HS6ST3: variants seen among roughly 807,000 people sequenced by gnomAD.
HS6ST3 encodes heparan sulfate 6-O-sulfotransferase 3, also known as heparan-sulfate 6-O-sulfotransferase 3.
A neutral mutation model predicts 36.7 loss-of-function variants in HS6ST3; 12 were observed. The observed-to-expected ratio is 0.33, with a 90% CI of 0.21 to 0.53. The LOEUF (loss-of-function observed/expected upper bound fraction) is 0.53, where lower values mean the gene tolerates loss of function less well. HS6ST3 is among the 20% of genes least tolerant of loss of function. The pLI is 0.95. For missense variants in HS6ST3, 584 were observed against 640.9 expected, an observed-to-expected ratio of 0.91 and a Z score of 0.96; for synonymous variants, 240 against 257.5, an observed-to-expected ratio of 0.93 and a Z score of 0.65.
intron 1 of HS6ST3, among the ~76,000 whole-genome samples, chr13:96,181,747 C>T (rs921627850): frequency 9.9e-5 from 15 of 152,098 alleles, no homozygotes; most frequent in African/African-American, 2.9e-4. Flanking sequence ...TTAGATTGAG[C>T]GTATTTGGGA....
intron 1 of HS6ST3, among the ~76,000 whole-genome samples, chr13:96,612,231 C>G (rs1464331374): frequency 3.3e-5 from 5 of 152,116 alleles, no homozygotes; most frequent in Non-Finnish European, 7.4e-5. Context: ...TGCTTAGGTC[C>G]TGAGAGTAGC....
At chr13:96,702,391 T>C (rs1875312843) in intron 1 of HS6ST3, among the ~76,000 whole-genome samples, 1 of 152,228 alleles carries the variant, frequency 6.6e-6, no homozygotes, top group African/African-American at 2.4e-5. Context: ...GGCTGGCCCT[T>C]TGGGGACAAT....
chr13:96,729,720 C>CTT (rs1437873493), intron 1 of HS6ST3, among the ~76,000 whole-genome samples: 3 of 152,080 alleles, frequency 2.0e-5, no homozygotes, highest in Admixed American at 6.5e-5. Context: ...CCGACTTTGG[C>CTT]TTCCCAAAGT....
At chr13:96,736,215 C>T (rs1469792331) in intron 1 of HS6ST3, among the ~76,000 whole-genome samples, 2 of 151,976 alleles carry the variant, frequency 1.3e-5, no homozygotes, top group Non-Finnish European at 2.9e-5. Flanking sequence ...GCACGTGTAC[C>T]CCTGAACTTA....
At chr13:96,322,339 G>A (rs1223829882) in intron 1 of HS6ST3, among the ~76,000 whole-genome samples, 2 of 147,840 alleles carry the variant, frequency 1.4e-5, no homozygotes, top group Non-Finnish European at 3.0e-5. Context: ...GAGCTCATGA[G>A]TTTGAGACCA....
intron 1 of HS6ST3, among the ~76,000 whole-genome samples, chr13:96,331,380 G>T (rs1232235062): frequency 6.6e-6 from 1 of 151,834 alleles, no homozygotes; most frequent in Non-Finnish European, 1.5e-5. Context: ...CTTTCTGTTT[G>T]TTAGTTTTCC....
chr13:96,542,466 A>G (rs1013692200), intron 1 of HS6ST3, among the ~76,000 whole-genome samples: 2 of 152,178 alleles, frequency 1.3e-5, no homozygotes, highest in Non-Finnish European at 2.9e-5. Context: ...TACATAATCT[A>G]ATACATAACA....
chr13:96,191,801 T>G (rs1464278011), intron 1 of HS6ST3, among the ~76,000 whole-genome samples: 3 of 152,206 alleles, frequency 2.0e-5, no homozygotes, highest in Non-Finnish European at 2.9e-5. Flanking sequence ...AAGAGGATCT[T>G]TTTCTCTATG....
chr13:96,581,280 C>T (rs1352865300), intron 1 of HS6ST3, among the ~76,000 whole-genome samples: 1 of 150,428 alleles, frequency 6.6e-6, no homozygotes, highest in Non-Finnish European at 1.5e-5. Flanking sequence ...AGTGCAGTGG[C>T]ATGATCTTGG....
At chr13:96,790,265 A>G (rs1364807065) in intron 1 of HS6ST3, among the ~76,000 whole-genome samples, 1 of 118,916 alleles carries the variant, frequency 8.4e-6, no homozygotes, top group African/African-American at 3.5e-5. Context: ...GATAAAACAC[A>G]CATGTACACA....
At chr13:96,173,860 T>G (rs759215582) in intron 1 of HS6ST3, among the ~76,000 whole-genome samples, 2 of 151,190 alleles carry the variant, frequency 1.3e-5, no homozygotes, top group African/African-American at 2.5e-5. Flanking sequence ...GTAATGTATT[T>G]GTATTATTAT....
intron 1 of HS6ST3, among the ~76,000 whole-genome samples, chr13:96,767,791 A>C (rs146895363): frequency 6.6e-6 from 1 of 152,320 alleles, no homozygotes; most frequent in Non-Finnish European, 1.5e-5. Context: ...CCAAATGTGC[A>C]TCAGCCCAGA....
intron 1 of HS6ST3, among the ~76,000 whole-genome samples, chr13:96,673,560 T>C (rs1318283473): frequency 6.6e-6 from 1 of 152,180 alleles, no homozygotes; most frequent in African/African-American, 2.4e-5. Flanking sequence ...CTTTATTGAT[T>C]TTTGAACTTA....
chr13:96,776,146 A>G (rs1316081893), intron 1 of HS6ST3, among the ~76,000 whole-genome samples: 1 of 152,238 alleles, frequency 6.6e-6, no homozygotes, highest in Admixed American at 6.5e-5. Context: ...AACCAACGAG[A>G]ACAAAGACAC....
intron 1 of HS6ST3, among the ~76,000 whole-genome samples, chr13:96,694,049 A>G (rs1483464871): frequency 6.6e-6 from 1 of 152,156 alleles, no homozygotes; most frequent in African/African-American, 2.4e-5. Flanking sequence ...TCAGGGGTAC[A>G]TGTGCAGATT....
chr13:96,713,241 A>G (rs1875606093), intron 1 of HS6ST3, among the ~76,000 whole-genome samples: 5 of 152,192 alleles, frequency 3.3e-5, no homozygotes, highest in Admixed American at 1.3e-4. Context: ...AATATTCTAC[A>G]TCTTTCAAAA....
chr13:96,504,898 A>C (rs2056020199), intron 1 of HS6ST3, among the ~76,000 whole-genome samples: 1 of 152,312 alleles, frequency 6.6e-6, no homozygotes, highest in East Asian at 1.9e-4. Context: ...TAACTGCTAA[A>C]TGTAAAAATA....
chr13:96,356,752 T>C (rs1446316977), intron 1 of HS6ST3, among the ~76,000 whole-genome samples: 1 of 152,212 alleles, frequency 6.6e-6, no homozygotes, highest in Non-Finnish European at 1.5e-5. Flanking sequence ...ATTGGTTTCA[T>C]TAAAGTCACC....
At position 96,546,595 on chromosome 13, in the gene HS6ST3, C is replaced by G. The variant is rs115181721; in HGVS notation, c.708-285895C>G. ...ATGTGCCTAACATCGTTTTAAAATG[C>G]CACATAAATTCACTCCTGTTTTTAT... On this transcript the variant is annotated intron_variant, in intron 1 of 1. Coordinates refer to ENST00000376705, the MANE Select transcript of HS6ST3 (RefSeq NM_153456.4). 7.8e-3 allele frequency among the ~76,000 whole-genome samples: 1,190 copies of G among 152,214 alleles called. 19 individuals carry two copies. Among genetic ancestry groups the G allele is most frequent in the African/African-American group, 0.026 (1,100 of 41,516 alleles).
Sources: allele counts gnomAD v4.1 joint callset (sites outside exome capture counted in the v4.1 genomes callset), GRCh38; gene constraint gnomAD v4.1.1; transcripts MANE v1.5; gene names NCBI Gene and HGNC (gene_info 2026-07-23, HGNC 2026-07-21).